The following CHURC1 variants were observed in gnomAD, a reference collection of about 807,000 sequenced individuals.
CHURC1 encodes the protein protein Churchill.
A neutral mutation model predicts 15.4 loss-of-function variants in CHURC1; 12 were observed. The ratio of observed to expected loss-of-function variants is 0.78; its 90% CI spans 0.50 to 1.27. The LOEUF (loss-of-function observed/expected upper bound fraction) is 1.27, where lower values mean the gene tolerates loss of function less well. CHURC1 is among the 50% of genes most tolerant of loss of function. The probability of loss-of-function intolerance (pLI) is 0.00; values close to 1 mark genes in which losing one functional copy is unlikely to be tolerated. For missense variants in CHURC1, 132 were observed against 137.8 expected (o/e 0.96, Z 0.21); for synonymous variants, 42 against 47.5 (o/e 0.88, Z 0.48).
At chr14:64,917,477 C>T (rs534241507) in intron 1 of CHURC1, among the ~76,000 whole-genome samples, 14 of 152,286 alleles carry the variant, frequency 9.2e-5, no homozygotes, top group Non-Finnish European at 1.8e-4. Context: ...GCGGTAGAAT[C>T]GCTTGAACCT....
At chr14:64,922,607 G>A (rs1203015662) in intron 1 of CHURC1, among the ~76,000 whole-genome samples, 3 of 147,902 alleles carry the variant, frequency 2.0e-5, no homozygotes, top group Admixed American at 1.4e-4. Context: ...AAAAATCAAA[G>A]CAAAGCATTT....
chr14:64,931,500 C>T (rs568752278), intron 3 of CHURC1, among the ~76,000 whole-genome samples: 18 of 151,858 alleles, frequency 1.2e-4, no homozygotes, highest in Admixed American at 5.3e-4. Context: ...CACCACTGCA[C>T]TCCAATCTGG....
intron 1 of CHURC1, among the ~76,000 whole-genome samples, chr14:64,914,988 A>G (rs1883765293): frequency 6.6e-6 from 1 of 152,260 alleles, no homozygotes; most frequent in South Asian, 2.1e-4. Flanking sequence ...TTCACATTCT[A>G]GTTGCATGGA....
chr14:64,924,607 C>G (rs1210669518), intron 2 of CHURC1: 2 of 152,098 alleles, frequency 1.3e-5, no homozygotes, highest in East Asian at 1.9e-4. Flanking sequence ...CTCAGAATGT[C>G]TAGCTTTTTT....
At position 64,933,954 on chromosome 14, in the gene CHURC1, G is replaced by C. The variant is rs575233710; in HGVS notation, c.*1724G>C. The C allele has an allele frequency of 1.3e-5, 13 of 985,334 alleles. No homozygotes were observed. The South Asian group carries it at 4.2e-4, about 32-fold the overall frequency. 61.0% of individuals were successfully genotyped at this position (985,334 alleles called of 1,614,324 possible). On this transcript the variant is annotated 3_prime_UTR_variant, in exon 4 of 4. Transcript: ENST00000549115. ...GATAGTTTAGCCATAACCAGATATG[G>C]CTTGTTATTTGTAAGTTATCATGAA...
chr14:64,932,404 T>C lies in CHURC1; in HGVS notation c.*174T>C. 2 of 1,354,132 alleles carry C rather than the reference T, an allele frequency of 1.5e-6. No individual in the cohort carries two copies. Among genetic ancestry groups the C allele is most frequent in the Admixed American group, 3.1e-5 (1 of 31,776 alleles). 83.9% of individuals were successfully genotyped at this position (1,354,132 alleles called of 1,614,324 possible). On this transcript the variant is annotated 3_prime_UTR_variant, in exon 4 of 4. Transcript: ENST00000549115. ...GTAGGAGCTCATTGTTCTCTAGAGC[T>C]GAGCTCTTCTGCTAAAGTTCAAAGT...
intron 1 of CHURC1, 95 bp downstream of exon 1, chr14:64,914,629 C>T: frequency 6.3e-7 from 1 of 1,583,046 alleles, no homozygotes; most frequent in Non-Finnish European, 8.6e-7. Context: ...GTGGGGCGGA[C>T]TCGGCCGCAC....
chr14:64,931,958 C>A (rs1025088604), intron 3 of CHURC1, among the ~76,000 whole-genome samples, 180 bp from the exon 4 acceptor site: 1 of 152,192 alleles, frequency 6.6e-6, no homozygotes, highest in Non-Finnish European at 1.5e-5. Flanking sequence ...TTTATATAAA[C>A]AACAGGCTCT....
chr14:64,920,023 G>A (rs1272832060), intron 1 of CHURC1, among the ~76,000 whole-genome samples: 1 of 151,882 alleles, frequency 6.6e-6, no homozygotes, highest in East Asian at 1.9e-4. Flanking sequence ...ACAAAAAATT[G>A]GTTCTTTAAG....
chr14:64,918,202 A>G (rs1884023093), intron 1 of CHURC1, among the ~76,000 whole-genome samples: 1 of 152,242 alleles, frequency 6.6e-6, no homozygotes, highest in African/African-American at 2.4e-5. Context: ...ATTCTGTTCT[A>G]AAATAATTAA....
intron 3 of CHURC1, among the ~76,000 whole-genome samples, chr14:64,929,229 T>G (rs1433341994): frequency 6.6e-6 from 1 of 152,202 alleles, no homozygotes; most frequent in Non-Finnish European, 1.5e-5. Flanking sequence ...CATGCTCTTT[T>G]CCATATTGCT....
chr14:64,928,907 T>A (rs4902341), intron 3 of CHURC1, among the ~76,000 whole-genome samples: 40,259 of 152,104 alleles, frequency 0.26, 6,098 homozygotes, highest in African/African-American at 0.41. Context: ...ATGCTCTCTC[T>A]TGTAGTGAAC....
chr14:64,917,434 G>A (rs1007692267), intron 1 of CHURC1, among the ~76,000 whole-genome samples: 5 of 151,580 alleles, frequency 3.3e-5, no homozygotes, highest in African/African-American at 1.2e-4. Context: ...GTGGTGGGAG[G>A]CGCCTGTAAT....
At chr14:64,918,831 T>C (rs1204041126) in intron 1 of CHURC1, among the ~76,000 whole-genome samples, 2 of 152,080 alleles carry the variant, frequency 1.3e-5, no homozygotes, top group African/African-American at 4.8e-5. Flanking sequence ...AAACCCTGTC[T>C]ACTTAAAAAA....
At chr14:64,925,406 C>T (rs1884603293) in intron 2 of CHURC1, among the ~76,000 whole-genome samples, 1 of 152,038 alleles carries the variant, frequency 6.6e-6, no homozygotes, top group Non-Finnish European at 1.5e-5. Flanking sequence ...GGTGCGGTGG[C>T]TCACGCCTAT....
chr14:64,922,397 T>A (rs1283059186), intron 1 of CHURC1, among the ~76,000 whole-genome samples: 2 of 151,676 alleles, frequency 1.3e-5, no homozygotes, highest in Non-Finnish European at 2.9e-5. Context: ...GCTAGCATAG[T>A]GAAACCCCAT....
In CHURC1 at chr14:64,932,333, T is replaced by C. The variant is rs1336170602; in HGVS notation, c.*103T>C. The C allele has an allele frequency of 6.6e-7, 1 of 1,525,264 alleles. No individual in the cohort carries two copies. The highest frequency in any genetic ancestry group is 8.8e-7 in the Non-Finnish European group (1 of 1,133,324). The allele number at this position is 1,525,264 out of a possible 1,614,324, so 94.5% of individuals were successfully genotyped here. On this transcript the variant is annotated 3_prime_UTR_variant, in exon 4 of 4. Transcript: ENST00000549115. ...TTCATACTGAAAATTCTTTGCATAT[T>C]TTTTTTCTGCTTAGACTTACTTATT...
In CHURC1 at chr14:64,924,077, A is replaced by T; in HGVS notation, c.126A>T (p.Thr42=). ...VCSKRDFMLI[T]NKSLKEEDGE... is the part of the protein sequence containing the mutation. ...GTAAGCGGGATTTTATGCTGATCAC[A>T]AACAAATCCTTGAAAGAAGAAGATG... Residue 42 remains threonine, a synonymous_variant, in exon 2 of 4, where the codon ACA becomes ACT. Coordinates refer to ENST00000549115, the MANE Select transcript of CHURC1 (RefSeq NM_001386928.1). 1 of 1,607,940 alleles carries T rather than the reference A, an allele frequency of 6.2e-7. No homozygotes were observed. Among genetic ancestry groups the T allele is most frequent in the Non-Finnish European group, 8.5e-7 (1 of 1,176,776 alleles).
At chr14:64,914,723 CG>C (rs1405737849) in intron 1 of CHURC1, among the ~76,000 whole-genome samples, 189 bp downstream of exon 1, 1 of 152,246 alleles carries the variant, frequency 6.6e-6, no homozygotes, top group East Asian at 1.9e-4. Context: ...CCCGCCCTGG[CG>C]GCTGACCTCA....
Sources: allele counts gnomAD v4.1 joint callset (sites outside exome capture counted in the v4.1 genomes callset), GRCh38; gene constraint gnomAD v4.1.1; transcripts MANE v1.5; gene names NCBI Gene and HGNC (gene_info 2026-07-23, HGNC 2026-07-21).